Variants in LRRC40 observed in about 807,000 individuals in gnomAD.
LRRC40 encodes the protein leucine-rich repeat-containing protein 40.
A neutral mutation model predicts 72.8 loss-of-function variants in LRRC40; 76 were observed. The observed-to-expected ratio is 1.04, with a 90% CI of 0.87 to 1.26. LRRC40 has a LOEUF of 1.26. Ranked by LOEUF, LRRC40 falls within the 50% of genes most tolerant of loss-of-function variation. The pLI, the probability that LRRC40 is intolerant of heterozygous loss-of-function variation, is 0.00. For synonymous variants in LRRC40, 243 were observed against 254.2 expected (o/e 0.96, Z 0.42); for missense variants, 684 against 698.9 (o/e 0.98, Z 0.24).
At chr1:70,189,619 A>C (rs1668449111) in intron 1 of LRRC40, among the ~76,000 whole-genome samples, 2 of 152,126 alleles carry the variant, frequency 1.3e-5, no homozygotes, top group African/African-American at 4.8e-5. Context: ...TCAGGCTAAC[A>C]GATTAATAGA....
chr1:70,149,196 T>C (rs758934272), intron 13 of LRRC40, among the ~76,000 whole-genome samples: 1 of 152,200 alleles, frequency 6.6e-6, no homozygotes, highest in Non-Finnish European at 1.5e-5. Context: ...GGAAGGCTAA[T>C]AGCTCTCAAA....
At chr1:70,192,373 A>G (rs80263333) in intron 1 of LRRC40, among the ~76,000 whole-genome samples, 170 of 152,170 alleles carry the variant, frequency 1.1e-3, no homozygotes, top group African/African-American at 3.9e-3. Flanking sequence ...GTAGGAGTGT[A>G]AATCAGTTCA....
chr1:70,203,783 C>T (rs986552224), intron 1 of LRRC40, among the ~76,000 whole-genome samples: 5 of 152,160 alleles, frequency 3.3e-5, no homozygotes, highest in East Asian at 1.9e-4. Flanking sequence ...GACCCCGTAA[C>T]GAACTACAAA....
At chr1:70,199,436 C>A (rs1668688872) in intron 1 of LRRC40, among the ~76,000 whole-genome samples, 1 of 152,068 alleles carries the variant, frequency 6.6e-6, no homozygotes, top group Non-Finnish European at 1.5e-5. Context: ...TACAGTTTAT[C>A]CTCGCACAAT....
At chr1:70,202,535 T>C (rs1668770998) in intron 1 of LRRC40, among the ~76,000 whole-genome samples, 1 of 152,104 alleles carries the variant, frequency 6.6e-6, no homozygotes, top group Admixed American at 6.5e-5. Flanking sequence ...CAGGGGAAGA[T>C]AGGTAAGGAA....
At chr1:70,190,500 GA>G (rs1668469281) in intron 1 of LRRC40, among the ~76,000 whole-genome samples, 1 of 150,500 alleles carries the variant, frequency 6.6e-6, no homozygotes, top group Non-Finnish European at 1.5e-5. Context: ...AGGCATCAAA[GA>G]AAAACCATAT....
intron 7 of LRRC40, among the ~76,000 whole-genome samples, chr1:70,175,031 A>G (rs140002392): frequency 1.9e-4 from 29 of 152,248 alleles, no homozygotes; most frequent in Non-Finnish European, 3.8e-4. Flanking sequence ...GTGGGGCTTT[A>G]CAGGGGAGAA....
At chr1:70,196,547 C>T (rs1469423237) in intron 1 of LRRC40, among the ~76,000 whole-genome samples, 3 of 151,316 alleles carry the variant, frequency 2.0e-5, no homozygotes, top group Non-Finnish European at 4.4e-5. Flanking sequence ...GAGACACTGT[C>T]TCAAGAAAGA....
chr1:70,202,923 C>T (rs1668780442), intron 1 of LRRC40, among the ~76,000 whole-genome samples: 1 of 152,192 alleles, frequency 6.6e-6, no homozygotes, highest in Non-Finnish European at 1.5e-5. Flanking sequence ...CAGGATCTCA[C>T]TCTCTTGCCC....
chr1:70,159,080 T>C (rs1667701520), intron 10 of LRRC40, among the ~76,000 whole-genome samples: 1 of 152,160 alleles, frequency 6.6e-6, no homozygotes. Context: ...CTAAGTCAAG[T>C]ACTCTGATGA....
In LRRC40 at chr1:70,148,151, A is replaced by C. The variant is rs1007185406; in HGVS notation, c.1703+336T>G. On this transcript the variant is annotated intron_variant, in intron 14 of 14. Coordinates refer to ENST00000370952, the MANE Select transcript of LRRC40 (RefSeq NM_017768.5). ...GCAATCAATTTCAAAAAAAAAAAAA[A>C]AAAAAACCCTGTATTCAAAGCTAAG... 68 of 164,700 alleles carry C rather than the reference A, an allele frequency of 4.1e-4. No individual in the cohort carries two copies. The East Asian group carries it at 7.9e-3, about 19-fold the overall frequency. The allele number at this position is 164,700 out of a possible 1,614,324, so 10.2% of individuals were successfully genotyped here.
chr1:70,147,067 G>A (rs972740918), intron 14 of LRRC40: 6 of 152,106 alleles, frequency 3.9e-5, no homozygotes, highest in African/African-American at 1.2e-4. Flanking sequence ...ATTCATGGGT[G>A]CTATATTTGC....
At chr1:70,197,228 GT>G (rs1156974263) in intron 1 of LRRC40, among the ~76,000 whole-genome samples, 11 of 113,456 alleles carry the variant, frequency 9.7e-5, no homozygotes, top group African/African-American at 3.5e-4. Flanking sequence ...GGACAACATG[GT>G]CCTTATAGAT....
chr1:70,178,848 T>C lies in LRRC40; in HGVS notation c.804+3A>G. Reference sequence around the variant, plus strand: ...AGTTATTTAATAATCAACTAAATAGTACCTTCAATAGACTACAAGAAGGAA... The same window carrying C: ...AGTTATTTAATAATCAACTAAATAGCACCTTCAATAGACTACAAGAAGGAA... On this transcript the variant is annotated splice_donor_region_variant and intron_variant, in intron 6 of 14. Transcript: ENST00000370952. 6.5e-7 allele frequency: 1 copy of C among 1,544,244 alleles called. No individual in the cohort carries two copies. The highest frequency in any genetic ancestry group is 8.8e-7 in the Non-Finnish European group (1 of 1,136,952).
chr1:70,179,860 T>G (rs1668203451), intron 5 of LRRC40, among the ~76,000 whole-genome samples: 1 of 152,142 alleles, frequency 6.6e-6, no homozygotes. Context: ...CCCTAAAATG[T>G]CAATTTGATT....
At chr1:70,157,407 A>G (rs1667661985) in intron 10 of LRRC40, among the ~76,000 whole-genome samples, 1 of 152,234 alleles carries the variant, frequency 6.6e-6, no homozygotes, top group Non-Finnish European at 1.5e-5. Context: ...CTTTCCAGTT[A>G]AAGTCTTTAA....
At chr1:70,189,342 T>C in intron 1 of LRRC40, 69 bp from the exon 2 acceptor site, 1 of 1,251,910 alleles carries the variant, frequency 8.0e-7, no homozygotes, top group Non-Finnish European at 1.1e-6. Flanking sequence ...AACTAGATAC[T>C]AAGTGACATG....
At chr1:70,167,639 G>C (rs1331375111) in intron 9 of LRRC40, among the ~76,000 whole-genome samples, 1 of 152,126 alleles carries the variant, frequency 6.6e-6, no homozygotes, top group Non-Finnish European at 1.5e-5. Context: ...TTGAGATGGA[G>C]TCTTGCTCTG....
intron 11 of LRRC40, among the ~76,000 whole-genome samples, chr1:70,153,601 TAATC>T (rs997645477): frequency 6.6e-6 from 1 of 152,204 alleles, no homozygotes; most frequent in African/African-American, 2.4e-5. Flanking sequence ...TTTATTGTCA[TAATC>T]AACCTTAAAG....
Sources: gnomAD v4.1 joint callset for allele counts (sites outside exome capture counted in the v4.1 genomes callset) on GRCh38, gnomAD v4.1.1 for gene constraint, MANE v1.5 for transcripts, NCBI Gene and HGNC (gene_info 2026-07-23, HGNC 2026-07-21) for gene names.